NLGN1: variants seen among roughly 807,000 people sequenced by gnomAD.
The protein encoded by NLGN1 is neuroligin 1, also known as neuroligin-1.
NLGN1 carries 12 observed loss-of-function variants against 65.5 expected under a neutral mutation model. The ratio of observed to expected loss-of-function variants is 0.18; its 90% CI spans 0.12 to 0.30. The LOEUF (loss-of-function observed/expected upper bound fraction) is 0.30. Ranked by LOEUF, NLGN1 falls within the 10% of genes least tolerant of loss-of-function variation. The pLI, the probability that NLGN1 is intolerant of heterozygous loss-of-function variation, is 1.00. For missense variants in NLGN1, 750 were observed against 1,007.1 expected, an observed-to-expected ratio of 0.74 and a Z score of 3.46; for synonymous variants, 350 against 359.5, an observed-to-expected ratio of 0.97 and a Z score of 0.30.
intron 4 of NLGN1, among the ~76,000 whole-genome samples, chr3:174,258,324 T>A (rs1746190393): frequency 6.6e-6 from 1 of 151,990 alleles, no homozygotes; most frequent in Non-Finnish European, 1.5e-5. Flanking sequence ...AATAAGTGAA[T>A]AAAAGTTGAA....
chr3:174,188,306 C>T (rs893129706), intron 4 of NLGN1, among the ~76,000 whole-genome samples: 3 of 151,896 alleles, frequency 2.0e-5, no homozygotes, highest in Admixed American at 6.6e-5. Flanking sequence ...AAACTCTGCT[C>T]ACCTAGAATG....
intron 2 of NLGN1, among the ~76,000 whole-genome samples, chr3:173,465,579 A>T (rs930755378): frequency 3.9e-5 from 6 of 152,230 alleles, no homozygotes; most frequent in African/African-American, 1.4e-4. Flanking sequence ...GTCAGAATGA[A>T]CATCGGAAAA....
At chr3:173,812,488 G>A (rs1244398933) in intron 4 of NLGN1, among the ~76,000 whole-genome samples, 2 of 151,976 alleles carry the variant, frequency 1.3e-5, no homozygotes, top group Non-Finnish European at 2.9e-5. Flanking sequence ...AGCACTTTGG[G>A]AGGCTGAGGC....
intron 4 of NLGN1, among the ~76,000 whole-genome samples, chr3:174,017,442 A>G (rs116428880): frequency 1.2e-3 from 188 of 152,236 alleles, no homozygotes; most frequent in African/African-American, 4.4e-3. Flanking sequence ...CATTCATATA[A>G]TTTGTCATTT....
At chr3:174,143,187 G>A (rs912594205) in intron 4 of NLGN1, among the ~76,000 whole-genome samples, 1 of 152,072 alleles carries the variant, frequency 6.6e-6, no homozygotes, top group Non-Finnish European at 1.5e-5. Context: ...CAGAGAATAG[G>A]AGAGGACATC....
At chr3:174,243,144 G>T (rs746854113) in intron 4 of NLGN1, among the ~76,000 whole-genome samples, 3 of 152,124 alleles carry the variant, frequency 2.0e-5, no homozygotes, top group Non-Finnish European at 2.9e-5. Context: ...ATCTGAGCAG[G>T]CCCAAGCCAC....
chr3:173,549,201 T>C (rs1740432917), intron 2 of NLGN1, among the ~76,000 whole-genome samples: 1 of 152,098 alleles, frequency 6.6e-6, no homozygotes, highest in Admixed American at 6.5e-5. Context: ...TCCAGATAAA[T>C]TATATGTTTG....
At chr3:173,888,755 AT>A (rs531298104) in intron 4 of NLGN1, among the ~76,000 whole-genome samples, 10 of 151,784 alleles carry the variant, frequency 6.6e-5, no homozygotes, top group South Asian at 6.2e-4. Flanking sequence ...ATGTATTTAC[AT>A]TTTTTTTGAG....
intron 4 of NLGN1, among the ~76,000 whole-genome samples, chr3:174,093,710 A>G (rs1744946489): frequency 6.6e-6 from 1 of 152,202 alleles, no homozygotes; most frequent in Non-Finnish European, 1.5e-5. Flanking sequence ...CACACCACAC[A>G]TATAATTATT....
intron 2 of NLGN1, among the ~76,000 whole-genome samples, chr3:173,438,680 A>G (rs1560252785): frequency 6.6e-6 from 1 of 152,160 alleles, no homozygotes; most frequent in Non-Finnish European, 1.5e-5. Context: ...TTTAGGGATC[A>G]TTAATAGTCT....
chr3:173,620,679 T>C (rs1453842939), intron 3 of NLGN1, among the ~76,000 whole-genome samples: 1 of 152,108 alleles, frequency 6.6e-6, no homozygotes, highest in Non-Finnish European at 1.5e-5. Flanking sequence ...ATTTATTTTA[T>C]TGAGTCATCT....
At chr3:173,404,767 C>G (rs1718311991) in intron 1 of NLGN1, among the ~76,000 whole-genome samples, 1 of 152,002 alleles carries the variant, frequency 6.6e-6, no homozygotes, top group South Asian at 2.1e-4. Context: ...AGCAATGAGC[C>G]TAAGCTACTG....
chr3:174,291,605 A>T (rs770312343), downstream of NLGN1, among the ~76,000 whole-genome samples: 1 of 151,354 alleles, frequency 6.6e-6, no homozygotes, highest in East Asian at 1.9e-4. Context: ...CATACAAAAG[A>T]TAAGACGTTA....
At chr3:173,622,057 A>G (rs368548220) in intron 3 of NLGN1, among the ~76,000 whole-genome samples, 3 of 152,124 alleles carry the variant, frequency 2.0e-5, no homozygotes, top group African/African-American at 7.2e-5. Context: ...CATCTTACGC[A>G]CTAAAATTTC....
chr3:173,890,187 C>T (rs1735071801), intron 4 of NLGN1, among the ~76,000 whole-genome samples: 1 of 152,004 alleles, frequency 6.6e-6, no homozygotes, highest in African/African-American at 2.4e-5. Flanking sequence ...GAGGAAATTC[C>T]CTTATAAAAG....
intron 4 of NLGN1, among the ~76,000 whole-genome samples, chr3:174,274,273 A>C (rs1400584599): frequency 1.3e-5 from 2 of 151,088 alleles, no homozygotes; most frequent in East Asian, 4.1e-4. Context: ...TAGAGAATAG[A>C]TGTTTGTTTT....
At position 174,050,038 on chromosome 3, in the gene NLGN1, G is replaced by A. The variant is rs140240320; in HGVS notation, c.647-225277G>A. Among the ~76,000 whole-genome samples, 235 of 152,104 alleles carry A rather than the reference G, an allele frequency of 1.5e-3. 2 individuals carry two copies. The highest frequency in any genetic ancestry group is 5.4e-3 in the African/African-American group (224 of 41,534). ...AATATTATAAAGTAATAAGAAAAAAGTTTAAAATGAAAATTAGAGGCCATT... is the reference window on the plus strand; with the variant it reads ...AATATTATAAAGTAATAAGAAAAAAATTTAAAATGAAAATTAGAGGCCATT... On this transcript the variant is annotated intron_variant, in intron 4 of 6. Coordinates refer to ENST00000457714, the Ensembl canonical transcript of NLGN1.
intron 2 of NLGN1, among the ~76,000 whole-genome samples, chr3:173,495,145 A>G (rs991521401): frequency 5.3e-5 from 8 of 151,750 alleles, no homozygotes; most frequent in South Asian, 2.1e-4. Flanking sequence ...ATAACTATCT[A>G]TATCTTCTTT....
chr3:174,138,772 C>A (rs937790780), intron 4 of NLGN1, among the ~76,000 whole-genome samples: 1 of 151,984 alleles, frequency 6.6e-6, no homozygotes, highest in Non-Finnish European at 1.5e-5. Flanking sequence ...TGCACAGCTG[C>A]ATAATTCTAG....
Sources: gnomAD v4.1 joint callset for allele counts (sites outside exome capture counted in the v4.1 genomes callset) on GRCh38, gnomAD v4.1.1 for gene constraint, MANE v1.5 for transcripts, NCBI Gene and HGNC (gene_info 2026-07-23, HGNC 2026-07-21) for gene names.